Variants in NCOR2 observed in about 807,000 individuals in gnomAD.
NCOR2 encodes nuclear receptor corepressor 2.
A neutral mutation model predicts 262.9 loss-of-function variants in NCOR2; 81 were observed. That is an observed-to-expected ratio of 0.31 (90% CI 0.26 to 0.37). The LOEUF (loss-of-function observed/expected upper bound fraction) is 0.37. Among genes scored for constraint, NCOR2 ranks in the 10% least tolerant of loss-of-function variants. The probability of loss-of-function intolerance (pLI) is 1.00; values close to 1 mark genes in which losing one functional copy is unlikely to be tolerated. For synonymous variants in NCOR2, 1,659 were observed against 1,559.3 expected, an observed-to-expected ratio of 1.06 and a Z score of -1.51; for missense variants, 3,385 against 3,621.4, an observed-to-expected ratio of 0.93 and a Z score of 1.68.
At chr12:124,471,317 G>A (rs2046822006) in intron 4 of NCOR2, among the ~76,000 whole-genome samples, 1 of 152,126 alleles carries the variant, frequency 6.6e-6, no homozygotes, top group South Asian at 2.1e-4. Context: ...CCTCCTTGGA[G>A]CCCCTACTTC....
chr12:124,412,286 C>A (rs7309449), intron 13 of NCOR2, among the ~76,000 whole-genome samples: 1 of 152,120 alleles, frequency 6.6e-6, no homozygotes, highest in African/African-American at 2.4e-5. Context: ...CACATGGTGT[C>A]GGGGTGACAG....
At chr12:124,422,519 T>G in exon 12 of NCOR2, 2 of 1,614,036 alleles carry the variant, frequency 1.2e-6, no homozygotes. Flanking sequence ...CCAGGAATGA[T>G]GCGATCAGGC....
chr12:124,455,312 G>A (rs542801257), intron 6 of NCOR2, among the ~76,000 whole-genome samples: 1 of 152,198 alleles, frequency 6.6e-6, no homozygotes, highest in Admixed American at 6.5e-5. Flanking sequence ...AACTTCCCCA[G>A]ATATCACTTC....
At chr12:124,384,898 C>T (rs778188024) in intron 17 of NCOR2, among the ~76,000 whole-genome samples, 2 of 151,998 alleles carry the variant, frequency 1.3e-5, no homozygotes, top group East Asian at 1.9e-4. Flanking sequence ...CGCAGCCTAG[C>T]GATGAAGAGC....
intron 16 of NCOR2, among the ~76,000 whole-genome samples, chr12:124,387,767 G>A (rs917134436): frequency 1.3e-5 from 2 of 152,258 alleles, no homozygotes; most frequent in Non-Finnish European, 2.9e-5. Context: ...ACAGGGCCGC[G>A]CGTTTATTTA....
chr12:124,325,211 G>C (rs181231867), exon 47 of NCOR2: 2 of 352,958 alleles, frequency 5.7e-6, no homozygotes, highest in East Asian at 8.8e-5. Context: ...GGGCCAGCCC[G>C]GGGCGGGAGT....
At chr12:124,422,290 T>C (rs2043251637) in intron 12 of NCOR2, among the ~76,000 whole-genome samples, 1 of 152,104 alleles carries the variant, frequency 6.6e-6, no homozygotes, top group East Asian at 1.9e-4. Flanking sequence ...AGGCTCCTCC[T>C]CCATGGGCCC....
chr12:124,522,433 C>T (rs1404554097), intron 1 of NCOR2, among the ~76,000 whole-genome samples: 1 of 152,204 alleles, frequency 6.6e-6, no homozygotes, highest in Non-Finnish European at 1.5e-5. Flanking sequence ...GGGGAGCCTT[C>T]TCTGTGTCTT....
chr12:124,411,735 G>A (rs570166520), intron 13 of NCOR2, among the ~76,000 whole-genome samples: 10 of 152,332 alleles, frequency 6.6e-5, no homozygotes, highest in East Asian at 3.9e-4. Context: ...TCCCCGCACC[G>A]CCCCACAGTC....
chr12:124,489,649 G>A (rs1164487656), intron 1 of NCOR2, among the ~76,000 whole-genome samples: 1 of 147,488 alleles, frequency 6.8e-6, no homozygotes, highest in Admixed American at 6.8e-5. Flanking sequence ...GGTTCTCCCT[G>A]ACCATGGCAC....
intron 1 of NCOR2, among the ~76,000 whole-genome samples, chr12:124,491,244 G>A (rs374626131): frequency 6.6e-5 from 10 of 152,268 alleles, no homozygotes; most frequent in African/African-American, 2.4e-4. Context: ...TACTAAAGGC[G>A]ATGTTGTAAT....
chr12:124,453,063 G>T (rs1243927543), intron 6 of NCOR2, among the ~76,000 whole-genome samples: 2 of 152,186 alleles, frequency 1.3e-5, no homozygotes, highest in East Asian at 1.9e-4. Flanking sequence ...GGAAAGCCCA[G>T]AAGGGAGTGG....
Position 124,340,766 on chromosome 12 carries a change from G to C in NCOR2, c.5189-15C>G. On this transcript the variant is annotated splice_polypyrimidine_tract_variant and intron_variant, in intron 34 of 46. Coordinates refer to ENST00000405201, the Ensembl canonical transcript of NCOR2. ...GTCGATGATGCCTGCGGGAGGTGTT[G>C]GGCCAGGGCTGTAGCCACAGGGAGG... 6.6e-7 allele frequency: 1 copy of C among 1,518,764 alleles called. No individual in the cohort carries two copies. Among genetic ancestry groups the C allele is most frequent in the Non-Finnish European group, 8.7e-7 (1 of 1,146,512 alleles). The allele number at this position is 1,518,764 out of a possible 1,614,324, so 94.1% of individuals were successfully genotyped here. A position where few individuals can be genotyped will look rare whatever the true frequency, so the allele number is the denominator to read the frequency against.
chr12:124,328,479 ACCT>A (rs1340533873), intron 44 of NCOR2: 2 of 152,144 alleles, frequency 1.3e-5, no homozygotes, highest in Non-Finnish European at 2.9e-5. Flanking sequence ...CTTCCAGAAC[ACCT>A]CCTGACAATC....
chr12:124,481,877 C>G lies in NCOR2; in HGVS notation c.411+1719G>C, dbSNP rs547164126. Reference sequence around the variant, plus strand: ...TGAAGGGAGTAGAGGGAGGCAGGAGCAGGGAGACCCAGGAGGAGGCTACTG... The same window carrying G: ...TGAAGGGAGTAGAGGGAGGCAGGAGGAGGGAGACCCAGGAGGAGGCTACTG... On this transcript the variant is annotated intron_variant, in intron 3 of 46. Transcript: ENST00000405201. This position sits in a 1 kb window ranked among gnomAD's most constrained non-coding sequence, Gnocchi z 4.6. Among the ~76,000 whole-genome samples the G allele has an allele frequency of 1.3e-5, 2 of 152,210 alleles. No homozygotes were observed. The highest frequency in any genetic ancestry group is 2.9e-5 in the Non-Finnish European group (2 of 68,004).
intron 3 of NCOR2, among the ~76,000 whole-genome samples, chr12:124,480,184 C>T (rs1197273989): frequency 6.6e-6 from 1 of 152,212 alleles, no homozygotes; most frequent in Non-Finnish European, 1.5e-5. Flanking sequence ...GGGGCTGTCT[C>T]CCAGTCCCCA....
exon 28 of NCOR2, chr12:124,350,670 C>G: frequency 6.2e-7 from 1 of 1,613,786 alleles, no homozygotes; most frequent in Non-Finnish European, 8.5e-7. Context: ...GCGGTCCAAG[C>G]GACTCGGGCT....
intron 1 of NCOR2, among the ~76,000 whole-genome samples, chr12:124,505,175 C>T (rs2048977072): frequency 6.6e-6 from 1 of 152,186 alleles, no homozygotes; most frequent in Non-Finnish European, 1.5e-5. Context: ...CCTTTGTTTA[C>T]ATGCCCTGCC....
At chr12:124,426,863 G>T in intron 10 of NCOR2, 63 bp from the exon 13 acceptor site, 1 of 1,464,798 alleles carries the variant, frequency 6.8e-7, no homozygotes, top group South Asian at 1.4e-5. Context: ...CGGCGCAGGG[G>T]ACCCAGGGAA....
Sources: allele counts gnomAD v4.1 joint callset (sites outside exome capture counted in the v4.1 genomes callset), GRCh38; gene constraint gnomAD v4.1.1; non-coding constraint Gnocchi (gnomAD v3.1); transcripts MANE v1.5; gene names NCBI Gene and HGNC (gene_info 2026-07-23, HGNC 2026-07-21).